The following RAPGEF5 variants were observed in gnomAD, a reference collection of about 807,000 sequenced individuals.
RAPGEF5 encodes the protein M-Ras-regulated GEF.
Under a neutral mutation model 125.2 loss-of-function variants are expected in RAPGEF5, and 65 were observed. That is an observed-to-expected ratio of 0.52 (90% CI 0.43 to 0.64). The LOEUF is 0.64. Among genes scored for constraint, RAPGEF5 ranks in the 30% least tolerant of loss-of-function variants. The probability of loss-of-function intolerance (pLI) is 0.00; values close to 1 mark genes in which losing one functional copy is unlikely to be tolerated. For synonymous variants in RAPGEF5, 391 were observed against 385.9 expected (o/e 1.01, Z -0.16); for missense variants, 958 against 1,048.1 (o/e 0.91, Z 1.19).
At chr7:22,131,174 T>A in intron 23 of RAPGEF5, 73 bp from the exon 24 acceptor site, 13 of 1,425,590 alleles carry the variant, frequency 9.1e-6, no homozygotes, top group Non-Finnish European at 1.2e-5. Flanking sequence ...GAGGTCTAGG[T>A]ACAATGCAAC....
At chr7:22,300,888 G>C (rs560924867) in intron 5 of RAPGEF5, among the ~76,000 whole-genome samples, 1 of 152,268 alleles carries the variant, frequency 6.6e-6, no homozygotes, top group Non-Finnish European at 1.5e-5. Flanking sequence ...AAACTACAGG[G>C]ACCCATTTTC....
At chr7:22,338,225 G>A (rs936415575) in intron 1 of RAPGEF5, among the ~76,000 whole-genome samples, 2 of 152,190 alleles carry the variant, frequency 1.3e-5, no homozygotes, top group African/African-American at 4.8e-5. Flanking sequence ...TAGTTTACCT[G>A]TTACGCAGCA....
At chr7:22,167,248 G>A in intron 11 of RAPGEF5, 100 bp from the exon 12 acceptor site, 1 of 793,836 alleles carries the variant, frequency 1.3e-6, no homozygotes, top group South Asian at 1.7e-5. Context: ...GCAGAAATAT[G>A]ATAAATATTG....
intron 2 of RAPGEF5, among the ~76,000 whole-genome samples, chr7:22,317,292 G>A (rs1026970653): frequency 6.7e-6 from 1 of 148,608 alleles, no homozygotes; most frequent in Non-Finnish European, 1.5e-5. Context: ...CCAGGCTGGA[G>A]TGCAGTGGTG....
intron 23 of RAPGEF5, among the ~76,000 whole-genome samples, chr7:22,133,467 G>T (rs1782979561): frequency 6.6e-6 from 1 of 152,126 alleles, no homozygotes; most frequent in Admixed American, 6.5e-5. Context: ...CAACTGCCAG[G>T]CCTCTTTCAC....
At chr7:22,243,242 T>G (rs978932752) in intron 7 of RAPGEF5, among the ~76,000 whole-genome samples, 2 of 151,808 alleles carry the variant, frequency 1.3e-5, no homozygotes, top group African/African-American at 2.4e-5. Flanking sequence ...GATAAAAAAG[T>G]TTTTTTTGTT....
chr7:22,301,614 C>CAAAAAAAA (rs35404390), intron 5 of RAPGEF5, among the ~76,000 whole-genome samples: 1 of 83,808 alleles, frequency 1.2e-5, no homozygotes, highest in African/African-American at 4.7e-5. Context: ...GACTCTGTCT[C>CAAAAAAAA]AAAAAAAAAA....
intron 5 of RAPGEF5, among the ~76,000 whole-genome samples, chr7:22,295,921 T>G (rs1583557073): frequency 1.3e-5 from 2 of 152,186 alleles, no homozygotes; most frequent in Middle Eastern, 3.4e-3. Context: ...AGAGTGTGAA[T>G]CCATCACCAT....
intron 24 of RAPGEF5, among the ~76,000 whole-genome samples, chr7:22,130,199 G>C (rs1782871963): frequency 6.6e-6 from 1 of 152,200 alleles, no homozygotes; most frequent in Admixed American, 6.5e-5. Flanking sequence ...TTTACTCTAT[G>C]ACACTAAAGT....
intron 16 of RAPGEF5, among the ~76,000 whole-genome samples, chr7:22,156,213 GT>G (rs1375044995): frequency 6.6e-6 from 1 of 152,212 alleles, no homozygotes; most frequent in African/African-American, 2.4e-5. Flanking sequence ...AATTTGCTGT[GT>G]TTTCCAGCTC....
chr7:22,288,476 C>T (rs1047898657), intron 6 of RAPGEF5, among the ~76,000 whole-genome samples: 1 of 151,380 alleles, frequency 6.6e-6, no homozygotes, highest in African/African-American at 2.4e-5. Flanking sequence ...CTCACTCCTC[C>T]ACCTTTACCC....
intron 2 of RAPGEF5, among the ~76,000 whole-genome samples, chr7:22,316,976 TAA>T (rs769310401): frequency 4.1e-4 from 52 of 125,550 alleles, no homozygotes; most frequent in African/African-American, 1.4e-3. Context: ...TAAAACTATT[TAA>T]AAAAAAAAAA....
Position 22,232,053 on chromosome 7 carries a change from T to C in RAPGEF5, c.797-1134A>G, listed in dbSNP as rs555736113. Reference sequence around the variant, plus strand: ...ATGACTCAGATCAGGGAAGTGGCAATGAGCAGGAGAAACATGGAACACTGG... The same window carrying C: ...ATGACTCAGATCAGGGAAGTGGCAACGAGCAGGAGAAACATGGAACACTGG... On this transcript the variant is annotated intron_variant, in intron 7 of 25. Transcript: ENST00000665637. Among the ~76,000 whole-genome samples the C allele has an allele frequency of 3.6e-3, 552 of 152,160 alleles. 5 individuals are homozygous for C. Among genetic ancestry groups the C allele is most frequent in the African/African-American group, 0.013 (538 of 41,508 alleles).
At chr7:22,296,987 T>C (rs900043438) in intron 5 of RAPGEF5, among the ~76,000 whole-genome samples, 1 of 152,220 alleles carries the variant, frequency 6.6e-6, no homozygotes, top group Non-Finnish European at 1.5e-5. Context: ...CTTGACAAGG[T>C]TGCCTTCAGT....
At chr7:22,288,553 C>T (rs1321669767) in intron 6 of RAPGEF5, among the ~76,000 whole-genome samples, 1 of 150,032 alleles carries the variant, frequency 6.7e-6, no homozygotes, top group African/African-American at 2.5e-5. Flanking sequence ...GACGGAGTCT[C>T]GCTCTTTCGC....
rs925743303 is a variant in RAPGEF5, at chr7:22,211,781, T to C, written c.996+8085A>G. Among the ~76,000 whole-genome samples the C allele has an allele frequency of 4.6e-5, 7 of 152,214 alleles. No homozygotes were observed. In the South Asian group the frequency reaches 6.2e-4, roughly 14 times the overall value. On this transcript the variant is annotated intron_variant, in intron 9 of 25. Transcript: ENST00000665637. Reference sequence around the variant, plus strand: ...TTAAATTCTACACAAAAGCTTCCTATTGCTCTTAGCACACAATGTTTGGAT... The same window carrying C: ...TTAAATTCTACACAAAAGCTTCCTACTGCTCTTAGCACACAATGTTTGGAT...
intron 7 of RAPGEF5, among the ~76,000 whole-genome samples, chr7:22,257,712 T>TTC (rs1399640483): frequency 6.6e-6 from 1 of 152,228 alleles, no homozygotes; most frequent in Non-Finnish European, 1.5e-5. Flanking sequence ...ATTCTTTGAA[T>TTC]ACAGTAATAT....
intron 11 of RAPGEF5, among the ~76,000 whole-genome samples, chr7:22,190,317 T>C (rs771650610): frequency 6.6e-5 from 10 of 152,092 alleles, no homozygotes; most frequent in Admixed American, 5.2e-4. Flanking sequence ...CTTCATTCCA[T>C]AGATATCATA....
chr7:22,173,224 TA>T (rs1388773980), intron 11 of RAPGEF5, among the ~76,000 whole-genome samples: 3 of 152,196 alleles, frequency 2.0e-5, no homozygotes, highest in Non-Finnish European at 4.4e-5. Context: ...TAAGCACAAA[TA>T]AAATTTTTTT....
Sources: allele counts gnomAD v4.1 joint callset (sites outside exome capture counted in the v4.1 genomes callset), GRCh38; gene constraint gnomAD v4.1.1; transcripts MANE v1.5; gene names NCBI Gene and HGNC (gene_info 2026-07-23, HGNC 2026-07-21).